TIMM9: variants seen among roughly 807,000 people sequenced by gnomAD.
The protein encoded by TIMM9 is mitochondrial import inner membrane translocase subunit Tim9.
TIMM9 carries 10 observed loss-of-function variants against 13.4 expected under a neutral mutation model. That is an observed-to-expected ratio of 0.75 (90% confidence interval 0.46 to 1.26). TIMM9 has a LOEUF of 1.26. Among genes scored for constraint, TIMM9 ranks in the 50% most tolerant of loss-of-function variants. TIMM9 has a pLI of 0.00. For missense variants in TIMM9, 87 were observed against 100.8 expected (o/e 0.86, Z 0.58); for synonymous variants, 32 against 32.1 (o/e 1.00, Z 0.01).
At chr14:58,423,514 CAAAAAAAAAAAAA>C (rs398025245) in intron 3 of TIMM9, among the ~76,000 whole-genome samples, 2 of 66,494 alleles carry the variant, frequency 3.0e-5, no homozygotes, top group African/African-American at 5.8e-5. Context: ...GACTTTGTCT[CAAAAAAAAAAAAA>C]AAAAAAAAAA....
At chr14:58,424,633 T>C (rs2036681675) in intron 2 of TIMM9, among the ~76,000 whole-genome samples, 1 of 152,178 alleles carries the variant, frequency 6.6e-6, no homozygotes. Flanking sequence ...TTTGGGAGGC[T>C]GAGGTGGGTG....
rs2036230230 is a variant in TIMM9 at position 58,411,847 on chromosome 14, G to A, written c.39+60C>T. 1.8e-5 allele frequency: 27 copies of A among 1,483,384 alleles called. No homozygotes were observed. In the South Asian group the frequency reaches 2.7e-4, roughly 15 times the overall value. 91.9% of individuals were successfully genotyped at this position (1,483,384 alleles called of 1,614,324 possible). On this transcript the variant is annotated intron_variant, in intron 4 of 5. Coordinates refer to ENST00000395159, the MANE Select transcript of TIMM9 (RefSeq NM_012460.4). Reference sequence around the variant, plus strand: ...CCACTGCACCCAGCCTGACATGGTGGCATTAGTAGCACCTTACATTTTTTT... The same window carrying A: ...CCACTGCACCCAGCCTGACATGGTGACATTAGTAGCACCTTACATTTTTTT...
chr14:58,427,464 A>G lies in TIMM9; in HGVS notation c.-376T>C. The G allele has an allele frequency of 1.2e-6, 1 of 825,900 alleles. No individual in the cohort carries two copies. Among genetic ancestry groups the G allele is most frequent in the South Asian group, 1.7e-5 (1 of 59,480 alleles). 51.2% of individuals were successfully genotyped at this position (825,900 alleles called of 1,614,324 possible). The stretch of plus-strand genomic sequence containing the variant: ...GTCCCTGGTAAACACAAGTAGTATT[A>G]CAAGTCGGGAGCTCTTCAAGTCTTG... On this transcript the variant is annotated 5_prime_UTR_variant, in exon 1 of 6. Coordinates refer to ENST00000395159, the MANE Select transcript of TIMM9 (RefSeq NM_012460.4).
At chr14:58,420,666 G>A (rs2140337613) in intron 3 of TIMM9, among the ~76,000 whole-genome samples, 1 of 151,928 alleles carries the variant, frequency 6.6e-6, no homozygotes, top group African/African-American at 2.4e-5. Flanking sequence ...GGTGGTGCAT[G>A]CCTGTGGTCC....
At chr14:58,427,282 C>G in intron 1 of TIMM9, 40 bp from the exon 2 acceptor site, 1 of 252,402 alleles carries the variant, frequency 4.0e-6, no homozygotes, top group South Asian at 5.3e-5. Context: ...ATTCTAAAAT[C>G]TCCTAAGGAT....
chr14:58,412,815 C>T (rs148584547), intron 3 of TIMM9, among the ~76,000 whole-genome samples: 2,470 of 152,016 alleles, frequency 0.016, 74 homozygotes, highest in African/African-American at 0.056. Context: ...GCAGGAGAAT[C>T]GCTTGAACTC....
chr14:58,416,845 T>G (rs2140328069), intron 3 of TIMM9, among the ~76,000 whole-genome samples: 1 of 152,276 alleles, frequency 6.6e-6, no homozygotes, highest in Middle Eastern at 3.4e-3. Context: ...TCGTGGCTCA[T>G]GCCTGTAATC....
chr14:58,419,902 C>A (rs1028008592), intron 3 of TIMM9, among the ~76,000 whole-genome samples: 5 of 152,006 alleles, frequency 3.3e-5, no homozygotes, highest in African/African-American at 7.3e-5. Flanking sequence ...GGGTGACAGA[C>A]CCTCTCTCTA....
intron 5 of TIMM9, among the ~76,000 whole-genome samples, chr14:58,409,611 CTG>C (rs1463242328): frequency 6.6e-6 from 1 of 152,122 alleles, no homozygotes; most frequent in African/African-American, 2.4e-5. Context: ...GGGAGTCTCG[CTG>C]TGTCACCCAG....
intron 3 of TIMM9, among the ~76,000 whole-genome samples, chr14:58,414,111 G>A (rs2036318055): frequency 6.8e-6 from 1 of 146,976 alleles, no homozygotes; most frequent in Non-Finnish European, 1.5e-5. Flanking sequence ...CATGTACACT[G>A]TAGACTAACA....
In TIMM9 at chr14:58,408,910, C is replaced by T; in HGVS notation, c.*124G>A. ...TCTCCAGCGGTTTCCATTTGCCAAACAGTCATGACAGATGGTTGAACATGG... is the reference window on the plus strand; with the variant it reads ...TCTCCAGCGGTTTCCATTTGCCAAATAGTCATGACAGATGGTTGAACATGG... On this transcript the variant is annotated 3_prime_UTR_variant, in exon 6 of 6. Coordinates refer to ENST00000395159, the MANE Select transcript of TIMM9 (RefSeq NM_012460.4). 1.4e-6 allele frequency: 2 copies of T among 1,398,148 alleles called. No individual in the cohort carries two copies. Among genetic ancestry groups the T allele is most frequent in the Non-Finnish European group, 1.9e-6 (2 of 1,041,266 alleles). The allele number at this position is 1,398,148 out of a possible 1,614,324, so 86.6% of individuals were successfully genotyped here. A position where few individuals can be genotyped will look rare whatever the true frequency, so the allele number is the denominator to read the frequency against.
intron 4 of TIMM9, among the ~76,000 whole-genome samples, chr14:58,411,281 C>G (rs141587298): frequency 0.014 from 2,131 of 151,954 alleles, 56 homozygotes; most frequent in African/African-American, 0.048. Context: ...AACCCTGTCT[C>G]TAATAAAAAT....
At position 58,409,115 on chromosome 14, in the gene TIMM9, T is replaced by C. The variant is rs1174003340; in HGVS notation, c.189A>G (p.Ile63Met). 3.7e-6 allele frequency: 6 copies of C among 1,613,972 alleles called. No individual in the cohort carries two copies. In the South Asian group the frequency reaches 6.6e-5, roughly 18 times the overall value. ...TATGATATTCCTGAAATCTCATGGATATTCTTTGTGTCATTTTTAAATATT... is the reference window on the plus strand; with the variant it reads ...TATGATATTCCTGAAATCTCATGGACATTCTTTGTGTCATTTTTAAATATT... ...LQKYLKMTQR[I>M]SMRFQEYHIQ... Residue 63 changes from isoleucine (I) to methionine (M), a missense_variant, in exon 6 of 6, where the codon ATA (isoleucine) becomes ATG (methionine). Ile to Met is a conservative substitution (Grantham distance 10). Transcript: ENST00000395159.
At chr14:58,425,878 G>A (rs1190831067) in intron 2 of TIMM9, among the ~76,000 whole-genome samples, 1 of 152,092 alleles carries the variant, frequency 6.6e-6, no homozygotes, top group Non-Finnish European at 1.5e-5. Context: ...TAGCACTTTG[G>A]TAGGCCGAGG....
chr14:58,411,302 G>T (rs2036206806), intron 4 of TIMM9, among the ~76,000 whole-genome samples: 2 of 151,836 alleles, frequency 1.3e-5, no homozygotes, highest in African/African-American at 4.8e-5. Context: ...ACAAAAATTA[G>T]CCAGGCGTGG....
intron 5 of TIMM9, among the ~76,000 whole-genome samples, chr14:58,410,482 G>A (rs970105118): frequency 1.3e-5 from 2 of 152,140 alleles, no homozygotes; most frequent in African/African-American, 4.8e-5. Context: ...GTCAAGCTTT[G>A]TTTTTTCCAA....
chr14:58,422,458 T>C (rs548798057), intron 3 of TIMM9, among the ~76,000 whole-genome samples: 1 of 152,324 alleles, frequency 6.6e-6, no homozygotes, highest in South Asian at 2.1e-4. Flanking sequence ...TTCATACTGG[T>C]ACCCTGTGCT....
chr14:58,427,528 C>A lies in TIMM9; in HGVS notation c.-440G>T, dbSNP rs1265445187. 6 of 1,491,520 alleles carry A rather than the reference C, an allele frequency of 4.0e-6. No homozygotes were observed. The highest frequency in any genetic ancestry group is 2.8e-5 in the African/African-American group (2 of 71,966). 92.4% of individuals were successfully genotyped at this position (1,491,520 alleles called of 1,614,324 possible). The stretch of plus-strand genomic sequence containing the variant: ...AGCGGTCTTGTGCGGCAATGTGCTA[C>A]CTTAAAATAAATAAATAAATAAACC... On this transcript the variant is annotated 5_prime_UTR_variant, in exon 1 of 6. Transcript: ENST00000395159.
intron 3 of TIMM9, among the ~76,000 whole-genome samples, chr14:58,421,063 T>G (rs1255088242): frequency 6.6e-6 from 1 of 152,128 alleles, no homozygotes; most frequent in Non-Finnish European, 1.5e-5. Flanking sequence ...ATCCTATATG[T>G]GAATGTTTGT....
Sources: allele counts gnomAD v4.1 joint callset (sites outside exome capture counted in the v4.1 genomes callset), GRCh38; gene constraint gnomAD v4.1.1; transcripts MANE v1.5; gene names NCBI Gene and HGNC (gene_info 2026-07-23, HGNC 2026-07-21).